Variants in SRRM3 observed in about 807,000 individuals in gnomAD.
SRRM3 encodes serine/arginine repetitive matrix 3, also known as serine/arginine repetitive matrix protein 3.
Under a neutral mutation model 66.2 loss-of-function variants are expected in SRRM3, and 27 were observed. The observed-to-expected ratio is 0.41, with a 90% confidence interval of 0.30 to 0.56. SRRM3 has a LOEUF of 0.56. Among genes scored for constraint, SRRM3 ranks in the 20% least tolerant of loss-of-function variants. The pLI is 0.32. For missense variants in SRRM3, 918 were observed against 991.9 expected (o/e 0.93, Z 1.00); for synonymous variants, 391 against 414.9 (o/e 0.94, Z 0.70).
At chr7:76,204,250 A>G (rs559939553) in intron 1 of SRRM3, among the ~76,000 whole-genome samples, 41 of 152,240 alleles carry the variant, frequency 2.7e-4, no homozygotes, top group African/African-American at 8.2e-4. Context: ...CCCCAGGGAC[A>G]AAATCATAGC....
intron 6 of SRRM3, 46 bp downstream of exon 6, chr7:76,260,949 T>C (rs751882236): frequency 6.5e-7 from 1 of 1,543,768 alleles, no homozygotes; most frequent in Non-Finnish European, 8.8e-7. Context: ...GGGATGTCTG[T>C]GGGTGGGAGA....
intron 2 of SRRM3, among the ~76,000 whole-genome samples, chr7:76,241,832 A>G (rs1305117467): frequency 2.0e-5 from 3 of 152,204 alleles, no homozygotes; most frequent in Admixed American, 6.5e-5. Flanking sequence ...AGCACCTACT[A>G]TATGCCAGGC....
rs34308296 is a variant in SRRM3, at chr7:76,236,309, C to CAA, written c.233+1024_233+1025dup. Among the ~76,000 whole-genome samples, 834 of 113,340 alleles carry CAA rather than the reference C, an allele frequency of 7.4e-3. 5 individuals carry two copies. The highest frequency in any genetic ancestry group is 0.015 in the African/African-American group (514 of 33,394). 74.4% of individuals were successfully genotyped at this position (113,340 alleles called of 152,430 possible). A position where few individuals can be genotyped will look rare whatever the true frequency, so the allele number is the denominator to read the frequency against. On this transcript the variant is annotated intron_variant, in intron 2 of 14. Transcript: ENST00000611745. ...GGGCAACAAGAGCAAAACTCCGTCT[C>CAA]AAAAAAAAAAAAAAAGAAAAGAAAG...
intron 1 of SRRM3, among the ~76,000 whole-genome samples, chr7:76,231,112 C>A (rs1583886780): frequency 2.0e-5 from 3 of 152,090 alleles, no homozygotes; most frequent in African/African-American, 7.2e-5. Context: ...TGCGTGCAGT[C>A]CTGCAGTCAC....
intron 2 of SRRM3, among the ~76,000 whole-genome samples, chr7:76,235,862 C>T (rs1192119195): frequency 6.6e-6 from 1 of 151,580 alleles, no homozygotes; most frequent in Non-Finnish European, 1.5e-5. Context: ...AAAAATTAGC[C>T]AGGCGTGGTG....
chr7:76,222,277 G>C (rs1170814587), intron 1 of SRRM3, among the ~76,000 whole-genome samples: 1 of 152,090 alleles, frequency 6.6e-6, no homozygotes, highest in Non-Finnish European at 1.5e-5. Flanking sequence ...ATGGTTGTAT[G>C]CACCTGTGTG....
intron 11 of SRRM3, among the ~76,000 whole-genome samples, chr7:76,278,576 G>C (rs1802419237): frequency 6.6e-6 from 1 of 152,022 alleles, no homozygotes. Flanking sequence ...GTGATCAGGA[G>C]AGTCAGGGGT....
intron 3 of SRRM3, among the ~76,000 whole-genome samples, chr7:76,256,343 C>T (rs1355606027): frequency 6.6e-6 from 1 of 152,024 alleles, no homozygotes; most frequent in South Asian, 2.1e-4. Context: ...CCCGTCTCTA[C>T]TAAAAATACA....
intron 1 of SRRM3, among the ~76,000 whole-genome samples, chr7:76,213,848 C>A (rs1304519778): frequency 6.6e-6 from 1 of 152,114 alleles, no homozygotes; most frequent in East Asian, 1.9e-4. Context: ...TAGCTCACTG[C>A]AGCCTCGAAC....
intron 1 of SRRM3, among the ~76,000 whole-genome samples, chr7:76,210,972 T>G (rs1429687172): frequency 6.6e-6 from 1 of 152,058 alleles, no homozygotes; most frequent in Non-Finnish European, 1.5e-5. Context: ...CCGGCTAATT[T>G]TTTTTGTGTG....
At chr7:76,253,724 G>C (rs1801637535) in intron 3 of SRRM3, among the ~76,000 whole-genome samples, 2 of 150,448 alleles carry the variant, frequency 1.3e-5, no homozygotes, top group South Asian at 2.1e-4. Context: ...GCTGAGGCAG[G>C]AGACGGAGGT....
intron 11 of SRRM3, chr7:76,269,422 C>CT (rs1202389915): frequency 6.6e-6 from 1 of 152,046 alleles, no homozygotes; most frequent in African/African-American, 2.4e-5. Flanking sequence ...GAGGCTAGTT[C>CT]TTGCTCATAT....
intron 11 of SRRM3, among the ~76,000 whole-genome samples, chr7:76,280,027 C>G (rs1189270837): frequency 6.6e-6 from 1 of 151,678 alleles, no homozygotes; most frequent in African/African-American, 2.4e-5. Context: ...ACACTTTTCC[C>G]TTCTCTTACA....
At chr7:76,267,231 C>T in intron 10 of SRRM3, 27 bp from the exon 11 acceptor site, 1 of 1,503,976 alleles carries the variant, frequency 6.6e-7, no homozygotes, top group Non-Finnish European at 8.8e-7. Flanking sequence ...CGCCGACTCC[C>T]CCATTCTTCC....
intron 11 of SRRM3, among the ~76,000 whole-genome samples, chr7:76,277,506 C>A (rs1297897330): frequency 6.6e-6 from 1 of 151,760 alleles, no homozygotes; most frequent in Admixed American, 6.6e-5. Flanking sequence ...CCAGCCTGGC[C>A]AACATGGTGA....
intron 8 of SRRM3, among the ~76,000 whole-genome samples, chr7:76,262,516 G>GA (rs782055282): frequency 0.17 from 15,835 of 92,680 alleles, 3,145 homozygotes; most frequent in African/African-American, 0.48. Flanking sequence ...CTCTGTCTCA[G>GA]AAAAAAAAAA....
intron 1 of SRRM3, among the ~76,000 whole-genome samples, chr7:76,202,315 A>G (rs972116101): frequency 6.6e-6 from 1 of 152,148 alleles, no homozygotes. Flanking sequence ...CTGGGCATAA[A>G]TGACCATGGC....
intron 1 of SRRM3, among the ~76,000 whole-genome samples, chr7:76,216,184 C>T (rs1554602573): frequency 6.6e-6 from 1 of 151,808 alleles, no homozygotes; most frequent in African/African-American, 2.4e-5. Flanking sequence ...GAACTTCTGA[C>T]CTCAGGTGAT....
At chr7:76,270,566 C>G (rs912431696) in intron 11 of SRRM3, among the ~76,000 whole-genome samples, 3 of 152,162 alleles carry the variant, frequency 2.0e-5, no homozygotes, top group Admixed American at 6.5e-5. Flanking sequence ...AATCCCAGCA[C>G]TTCGGGAGGC....
Sources: allele counts gnomAD v4.1 joint callset (sites outside exome capture counted in the v4.1 genomes callset), GRCh38; gene constraint gnomAD v4.1.1; transcripts MANE v1.5; gene names NCBI Gene and HGNC (gene_info 2026-07-23, HGNC 2026-07-21).